The following STIP1 variants were observed in gnomAD, a reference collection of about 807,000 sequenced individuals.
The protein encoded by STIP1 is stress induced phosphoprotein 1.
In STIP1, 16 loss-of-function variants were observed where a neutral mutation model predicts 77.4. That is an observed-to-expected ratio of 0.21 (90% CI 0.14 to 0.31). The LOEUF (loss-of-function observed/expected upper bound fraction) is 0.31. STIP1 is among the 10% of genes least tolerant of loss of function. The probability of loss-of-function intolerance (pLI) is 1.00; values close to 1 mark genes in which losing one functional copy is unlikely to be tolerated. For synonymous variants in STIP1, 258 were observed against 246.6 expected (o/e 1.05, Z -0.44); for missense variants, 524 against 684.8 (o/e 0.77, Z 2.62).
intron 8 of STIP1, among the ~76,000 whole-genome samples, chr11:64,198,831 G>A (rs1946181228): frequency 6.8e-6 from 1 of 146,054 alleles, no homozygotes; most frequent in Non-Finnish European, 1.5e-5. Flanking sequence ...GAGGGCCTGT[G>A]CATTGAGAAT....
chr11:64,191,902 G>T (rs1030040403), intron 1 of STIP1, among the ~76,000 whole-genome samples: 4 of 152,112 alleles, frequency 2.6e-5, no homozygotes, highest in Non-Finnish European at 5.9e-5. Flanking sequence ...CTTGCCAGAC[G>T]GTGGGGCAGG....
Position 64,204,153 on chromosome 11 carries a change from G to C in STIP1, c.*27G>C. ...GACTTGTTCATCCCCCCTTCCCTTCGCCCTCATGTGGAAAGAGGAGCTGGG... is the reference window on the plus strand; with the variant it reads ...GACTTGTTCATCCCCCCTTCCCTTCCCCCTCATGTGGAAAGAGGAGCTGGG... On this transcript the variant is annotated 3_prime_UTR_variant, in exon 14 of 14. Coordinates refer to ENST00000305218, the MANE Select transcript of STIP1 (RefSeq NM_006819.3). 1 of 1,613,242 alleles carries C rather than the reference G, an allele frequency of 6.2e-7. No individual in the cohort carries two copies.
chr11:64,194,717 G>T, intron 4 of STIP1, 97 bp downstream of exon 4: 1 of 1,475,858 alleles, frequency 6.8e-7, no homozygotes, highest in Non-Finnish European at 9.1e-7. Context: ...CTAAACTGCA[G>T]AGTTTTTGCC....
At chr11:64,203,267 C>T (rs1565284374) in intron 12 of STIP1, 39 bp downstream of exon 12, 3 of 1,607,856 alleles carry the variant, frequency 1.9e-6, no homozygotes, top group Non-Finnish European at 2.6e-6. Flanking sequence ...CCCCCTGCCT[C>T]TTTCTCTGTT....
chr11:64,185,773 TG>T (rs1301351772), upstream of STIP1: 2 of 1,531,142 alleles, frequency 1.3e-6, no homozygotes, highest in African/African-American at 2.7e-5. Flanking sequence ...CGCAAAGAGT[TG>T]GCAACCCTCC....
chr11:64,195,455 T>G (rs1264440634), intron 4 of STIP1, among the ~76,000 whole-genome samples, 190 bp from the exon 5 acceptor site: 1 of 152,190 alleles, frequency 6.6e-6, no homozygotes, highest in East Asian at 1.9e-4. Flanking sequence ...TGACTCTATT[T>G]TAGATAGTGT....
intron 1 of STIP1, among the ~76,000 whole-genome samples, chr11:64,189,398 G>A (rs562514558): frequency 1.3e-5 from 2 of 152,040 alleles, no homozygotes; most frequent in Admixed American, 6.5e-5. Context: ...ATTGTGGTGC[G>A]CGCCTGTGGT....
In STIP1 at chr11:64,204,295, G is replaced by C. The variant is rs1002658313; in HGVS notation, c.*169G>C. On this transcript the variant is annotated 3_prime_UTR_variant, in exon 14 of 14. Coordinates refer to ENST00000305218, the MANE Select transcript of STIP1 (RefSeq NM_006819.3). ...GACTCGTACCTGCGCTGTTTGTGCC[G>C]CCGCTGCCTCTGGGCCCTCCCAGCA... is the stretch of plus-strand genomic sequence containing the variant. The C allele has an allele frequency of 4.5e-6, 3 of 660,322 alleles. No individual in the cohort carries two copies. The highest frequency in any genetic ancestry group is 7.5e-6 in the Non-Finnish European group (3 of 397,658). The allele number at this position is 660,322 out of a possible 1,614,324, so 40.9% of individuals were successfully genotyped here. A position where few individuals can be genotyped will look rare whatever the true frequency, so the allele number is the denominator to read the frequency against.
intron 12 of STIP1, 50 bp downstream of exon 12, chr11:64,203,278 G>A: frequency 6.2e-7 from 1 of 1,604,140 alleles, no homozygotes; most frequent in Non-Finnish European, 8.5e-7. Context: ...TTTCTCTGTT[G>A]GGGCTTTTCC....
In STIP1 at chr11:64,197,799, G is replaced by T. The variant is rs1946167450; in HGVS notation, c.903-55G>T. ...CTAGCTGCAGGTGTGTTTTTCTGCA[G>T]GAGCTGACTTTATCTCTCTGTCCTA... is the stretch of plus-strand genomic sequence containing the variant. On this transcript the variant is annotated intron_variant, in intron 7 of 13. Coordinates refer to ENST00000305218, the MANE Select transcript of STIP1 (RefSeq NM_006819.3). 9 of 1,589,412 alleles carry T rather than the reference G, an allele frequency of 5.7e-6. No individual in the cohort carries two copies. In the Admixed American group the frequency reaches 1.4e-4, roughly 25 times the overall value.
rs192274378 is a variant in STIP1, at chr11:64,200,839, C to T, written c.1245+546C>T. Among the ~76,000 whole-genome samples, 186 of 152,008 alleles carry T rather than the reference C, an allele frequency of 1.2e-3. 1 individual carries two copies. In the South Asian group the frequency reaches 0.025, roughly 20 times the overall value. ...TTGGTTTGTTTGAGACAGTCTCACTCAGCTGCCCACACTGGAGTGCCGTGG... is the reference window on the plus strand; with the variant it reads ...TTGGTTTGTTTGAGACAGTCTCACTTAGCTGCCCACACTGGAGTGCCGTGG... On this transcript the variant is annotated intron_variant, in intron 10 of 13. Transcript: ENST00000305218.
chr11:64,189,206 C>A (rs1946062981), intron 1 of STIP1, among the ~76,000 whole-genome samples: 1 of 152,072 alleles, frequency 6.6e-6, no homozygotes, highest in Admixed American at 6.5e-5. Context: ...ATTAAAAATA[C>A]AAAAATTAGC....
At chr11:64,197,176 T>C (rs1946160041) in intron 5 of STIP1, 95 bp from the exon 6 acceptor site, 2 of 1,523,298 alleles carry the variant, frequency 1.3e-6, no homozygotes, top group African/African-American at 2.8e-5. Context: ...ATTCTATTCA[T>C]GTTAGTTGCA....
chr11:64,202,584 C>T (rs1408591857), intron 10 of STIP1: 2 of 404,150 alleles, frequency 4.9e-6, no homozygotes, highest in South Asian at 2.9e-5. Context: ...TTTTGGATTC[C>T]AAAGCTCTCA....
In STIP1 at chr11:64,204,446, A is replaced by AG; in HGVS notation, c.*324dup. 2.9e-6 allele frequency: 1 copy of AG among 350,150 alleles called. No individual in the cohort carries two copies. 21.7% of individuals were successfully genotyped at this position (350,150 alleles called of 1,614,324 possible). ...TTGGGGCAGTGGGCATGTTATGGGG[A>AG]GGGGAGGGGGTTCTTCCAGCCTCAG... is the stretch of plus-strand genomic sequence containing the variant. On this transcript the variant is annotated 3_prime_UTR_variant, in exon 14 of 14. Transcript: ENST00000305218.
chr11:64,196,420 A>G (rs952669026), intron 5 of STIP1, among the ~76,000 whole-genome samples: 2 of 149,006 alleles, frequency 1.3e-5, no homozygotes, highest in African/African-American at 4.9e-5. Context: ...AAAAAGCTTC[A>G]CAAGAGCATT....
At position 64,204,293 on chromosome 11, in the gene STIP1, C is replaced by A; in HGVS notation, c.*167C>A. ...GAGACTCGTACCTGCGCTGTTTGTG[C>A]CGCCGCTGCCTCTGGGCCCTCCCAG... is the stretch of plus-strand genomic sequence containing the variant. On this transcript the variant is annotated 3_prime_UTR_variant, in exon 14 of 14. Coordinates refer to ENST00000305218, the MANE Select transcript of STIP1 (RefSeq NM_006819.3). 4.5e-6 allele frequency: 3 copies of A among 660,676 alleles called. No homozygotes were observed. Among genetic ancestry groups the A allele is most frequent in the Non-Finnish European group, 7.5e-6 (3 of 397,460 alleles). The allele number at this position is 660,676 out of a possible 1,614,324, so 40.9% of individuals were successfully genotyped here.
In STIP1 at chr11:64,197,413, A is replaced by G; in HGVS notation, c.799+16A>G. The G allele has an allele frequency of 6.2e-7, 1 of 1,614,108 alleles. No individual in the cohort carries two copies. Among genetic ancestry groups the G allele is most frequent in the Non-Finnish European group, 8.5e-7 (1 of 1,180,018 alleles). ...AATCAAGCAGGTGAGGCCCAGAAAC[A>G]AGGGGCAAGGGAATTGTTGGGTGTC... On this transcript the variant is annotated intron_variant, in intron 6 of 13. Coordinates refer to ENST00000305218, the MANE Select transcript of STIP1 (RefSeq NM_006819.3).
intron 13 of STIP1, 94 bp from the exon 14 acceptor site, chr11:64,203,960 C>T (rs925418165): frequency 6.9e-7 from 1 of 1,450,650 alleles, no homozygotes. Context: ...CCTGCCGGGG[C>T]CTTCTGTAGA....
Sources: gnomAD v4.1 joint callset for allele counts (sites outside exome capture counted in the v4.1 genomes callset) on GRCh38, gnomAD v4.1.1 for gene constraint, MANE v1.5 for transcripts, NCBI Gene and HGNC (gene_info 2026-07-23, HGNC 2026-07-21) for gene names.